The following RYR3 variants were observed in gnomAD, a reference collection of about 807,000 sequenced individuals.
The protein encoded by RYR3 is ryanodine receptor 3.
Under a neutral mutation model 584.3 loss-of-function variants are expected in RYR3, and 207 were observed. The ratio of observed to expected loss-of-function variants is 0.35; its 90% CI spans 0.32 to 0.40. The LOEUF is 0.40. Ranked by LOEUF, RYR3 falls within the 10% of genes least tolerant of loss-of-function variation. The probability of loss-of-function intolerance (pLI) is 1.00; values close to 1 mark genes in which losing one functional copy is unlikely to be tolerated. For missense variants in RYR3, 5,616 were observed against 6,089.2 expected, an observed-to-expected ratio of 0.92 and a Z score of 2.59; for synonymous variants, 2,416 against 2,248.5, an observed-to-expected ratio of 1.07 and a Z score of -2.11.
intron 87 of RYR3, 44 bp downstream of exon 87, chr15:33,835,116 T>A (rs1431870255): frequency 1.4e-6 from 2 of 1,427,442 alleles, no homozygotes; most frequent in Non-Finnish European, 9.8e-7. Flanking sequence ...TGTGAAATGC[T>A]AAGTCAGTCC....
Position 33,404,472 on chromosome 15 carries a change from C to G in RYR3, c.52-68947C>G, listed in dbSNP as rs757491799. 1.4e-4 allele frequency among the ~76,000 whole-genome samples: 21 copies of G among 152,234 alleles called. No individual in the cohort carries two copies. In the Middle Eastern group the frequency reaches 0.01, roughly 74 times the overall value. ...GTTCTTCTATACGGTTCTCTTTAGC[C>G]AACTGGTTGTTTATGGCAGAACTAC... On this transcript the variant is annotated intron_variant, in intron 1 of 103. Transcript: ENST00000634891.
chr15:33,736,287 G>T lies in RYR3; in HGVS notation c.7477G>T (p.Val2493Leu), dbSNP rs1031374555. The change falls in exon 49 of 104, where the codon GTG becomes TTG. Residue 2493 changes from valine to leucine, a missense_variant. Transcript: ENST00000634891. ...ACTCCTGCGACGCCTCGTTTTTGAT[G>T]TGCCGCAACTCAATGAATACTGCAA... ...QQLLRRLVFD[V>L]PQLNEYCKMP... 1.2e-6 allele frequency: 2 copies of T among 1,613,124 alleles called. No individual in the cohort carries two copies. Among genetic ancestry groups the T allele is most frequent in the Non-Finnish European group, 1.7e-6 (2 of 1,179,618 alleles).
chr15:33,724,931 A>G (rs2068234890), intron 45 of RYR3, among the ~76,000 whole-genome samples: 1 of 152,018 alleles, frequency 6.6e-6, no homozygotes, highest in South Asian at 2.1e-4. Context: ...CCTGGAAGGG[A>G]GCCCAGAAAA....
In RYR3 at chr15:33,813,062, C is replaced by A; in HGVS notation, c.10389+68C>A. The A allele has an allele frequency of 3.2e-6, 5 of 1,586,520 alleles. No individual in the cohort carries two copies. In the South Asian group the frequency reaches 4.5e-5, roughly 14 times the overall value. On this transcript the variant is annotated intron_variant, in intron 73 of 103. Transcript: ENST00000634891. ...CTGGACCATACAAAGCTCCCCTCCA[C>A]ACTCAGCATTCAGGTACAAGTGCCC...
At chr15:33,853,481 C>G (rs1282045857) in intron 95 of RYR3, 74 bp from the exon 96 acceptor site, 2 of 1,545,940 alleles carry the variant, frequency 1.3e-6, no homozygotes, top group Non-Finnish European at 8.7e-7. Flanking sequence ...CAGCAAAGCT[C>G]TGAAGACCCC....
At chr15:33,389,782 C>T (rs912064248) in intron 1 of RYR3, among the ~76,000 whole-genome samples, 1 of 152,170 alleles carries the variant, frequency 6.6e-6, no homozygotes, top group Non-Finnish European at 1.5e-5. Context: ...TTTCTCTTTG[C>T]AAACTTTTAT....
At chr15:33,635,967 T>C (rs955238841) in intron 26 of RYR3, 148 bp downstream of exon 26, 1 of 689,560 alleles carries the variant, frequency 1.5e-6, no homozygotes, top group African/African-American at 1.8e-5. Flanking sequence ...GGGCATCTCC[T>C]AGTGACTGTT....
chr15:33,773,709 A>C (rs914897074), intron 64 of RYR3, 94 bp downstream of exon 64: 20 of 832,978 alleles, frequency 2.4e-5, no homozygotes, highest in Non-Finnish European at 4.0e-5. Context: ...CAATCCAGCA[A>C]GACCAAAATG....
In RYR3 at chr15:33,669,857, G is replaced by GGGGT. The variant is rs1555401713; in HGVS notation, c.5722+402_5722+403insGGTG. ...GTGTGTGTGTGTGGGGGGGGGGGGG[G>GGGGT]GTGTGGGTGTGTGGGTGTGTGTGGT... On this transcript the variant is annotated intron_variant, in intron 37 of 103. Transcript: ENST00000634891. Among the ~76,000 whole-genome samples, 171 of 60,144 alleles carry GGGGT rather than the reference G, an allele frequency of 2.8e-3. 28 individuals carry two copies. Among genetic ancestry groups the GGGGT allele is most frequent in the East Asian group, 7.2e-3 (15 of 2,070 alleles). The allele number at this position is 60,144 out of a possible 152,430, so 39.5% of individuals were successfully genotyped here. A position where few individuals can be genotyped will look rare whatever the true frequency, so the allele number is the denominator to read the frequency against.
intron 1 of RYR3, among the ~76,000 whole-genome samples, chr15:33,374,616 T>C (rs1403059383): frequency 6.6e-6 from 1 of 152,186 alleles, no homozygotes; most frequent in Non-Finnish European, 1.5e-5. Flanking sequence ...CAGTTTGAAG[T>C]TGTATCTGGA....
chr15:33,401,374 T>C (rs1215471503), intron 1 of RYR3, among the ~76,000 whole-genome samples: 1 of 152,230 alleles, frequency 6.6e-6, no homozygotes, highest in Non-Finnish European at 1.5e-5. Flanking sequence ...CTCAGGCGTC[T>C]GATTTCACAA....
chr15:33,469,168 A>T (rs1227970687), intron 1 of RYR3, among the ~76,000 whole-genome samples: 2 of 152,192 alleles, frequency 1.3e-5, no homozygotes, highest in African/African-American at 4.8e-5. Flanking sequence ...GGCTTCATAA[A>T]GGAATGTGGC....
rs367645223 is a variant in RYR3, at chr15:33,722,779, C to T, written c.6684C>T (p.Phe2228=). 233 of 1,613,170 alleles carry T rather than the reference C, an allele frequency of 1.4e-4. 1 individual carries two copies. The highest frequency in any genetic ancestry group is 1.6e-4 in the Middle Eastern group (1 of 6,084). Residue 2228 remains phenylalanine, a synonymous_variant, in exon 44 of 104, where the codon TTC becomes TTT. Coordinates refer to ENST00000634891, the MANE Select transcript of RYR3 (RefSeq NM_001036.6). ...TGCTCATCAGACGCCCAGAGTGCTT[C>T]GGCCCGGCCCTGCGGGGTGAGGGGG... is the stretch of plus-strand genomic sequence containing the variant. ...VKLLIRRPEC[F]GPALRGEGGN...
intron 40 of RYR3, 125 bp from the exon 41 acceptor site, chr15:33,699,579 A>T: frequency 1.3e-6 from 1 of 786,502 alleles, no homozygotes; most frequent in Non-Finnish European, 2.0e-6. Context: ...GAGAAAAAAA[A>T]TGGAAGGAGA....
At chr15:33,800,909 C>G in intron 68 of RYR3, 52 bp downstream of exon 68, 15 of 1,273,776 alleles carry the variant, frequency 1.2e-5, no homozygotes, top group Non-Finnish European at 1.7e-5. Flanking sequence ...AGCTGCAGAC[C>G]GTGGAAAACT....
At chr15:33,436,403 T>C (rs967960140) in intron 1 of RYR3, among the ~76,000 whole-genome samples, 3 of 152,228 alleles carry the variant, frequency 2.0e-5, no homozygotes, top group African/African-American at 7.2e-5. Context: ...ACTAGTTCTT[T>C]GGACATTACA....
At chr15:33,493,660 A>G (rs961943680) in intron 2 of RYR3, among the ~76,000 whole-genome samples, 1 of 152,168 alleles carries the variant, frequency 6.6e-6, no homozygotes. Context: ...CAGAGGGAAA[A>G]ACTGGAATAT....
intron 16 of RYR3, among the ~76,000 whole-genome samples, chr15:33,600,652 C>T (rs948126926): frequency 2.0e-5 from 3 of 152,028 alleles, no homozygotes; most frequent in Admixed American, 1.3e-4. Context: ...AGTTTGTTCT[C>T]CTTCTAGATG....
At chr15:33,626,821 A>C (rs1231047927) in intron 20 of RYR3, among the ~76,000 whole-genome samples, 5 of 152,146 alleles carry the variant, frequency 3.3e-5, no homozygotes, top group African/African-American at 1.2e-4. Context: ...CTGTGAGTGC[A>C]CAGAAGTCAA....
Sources: allele counts gnomAD v4.1 joint callset (sites outside exome capture counted in the v4.1 genomes callset), GRCh38; gene constraint gnomAD v4.1.1; transcripts MANE v1.5; gene names NCBI Gene and HGNC (gene_info 2026-07-23, HGNC 2026-07-21).